The following AGBL4 variants were observed in gnomAD, a reference collection of about 807,000 sequenced individuals.
The protein encoded by AGBL4 is cytosolic carboxypeptidase 6.
Under a neutral mutation model 66.4 loss-of-function variants are expected in AGBL4, and 58 were observed. The ratio of observed to expected loss-of-function variants is 0.87; its 90% CI spans 0.71 to 1.09. The LOEUF (loss-of-function observed/expected upper bound fraction) is 1.09. Among genes scored for constraint, AGBL4 ranks in the 50% least tolerant of loss-of-function variants. The pLI, the probability that AGBL4 is intolerant of heterozygous loss-of-function variation, is 0.00. For missense variants in AGBL4, 579 were observed against 631.0 expected (o/e 0.92, Z 0.88); for synonymous variants, 234 against 222.9 (o/e 1.05, Z -0.44).
intron 1 of AGBL4, among the ~76,000 whole-genome samples, chr1:49,893,860 G>C (rs983914369): frequency 2.6e-5 from 4 of 152,178 alleles, no homozygotes; most frequent in African/African-American, 7.2e-5. Context: ...TACAGCCCTA[G>C]GGCTTTGAGT....
chr1:49,507,846 T>C (rs1648839305), intron 3 of AGBL4, among the ~76,000 whole-genome samples: 1 of 151,748 alleles, frequency 6.6e-6, no homozygotes, highest in African/African-American at 2.4e-5. Context: ...AAATATGATT[T>C]TCAGAGTGGT....
At chr1:49,395,331 T>C (rs893649238) in intron 3 of AGBL4, among the ~76,000 whole-genome samples, 7 of 152,088 alleles carry the variant, frequency 4.6e-5, no homozygotes, top group African/African-American at 7.2e-5. Flanking sequence ...AAGGGCTTTT[T>C]TTAAAAAATA....
At chr1:48,651,007 G>T (rs980723805) in intron 8 of AGBL4, among the ~76,000 whole-genome samples, 1 of 151,996 alleles carries the variant, frequency 6.6e-6, no homozygotes, top group South Asian at 2.1e-4. Flanking sequence ...CTGGCCTAGG[G>T]GACCTCTAAG....
At position 48,727,758 on chromosome 1, in the gene AGBL4, C is replaced by T. The variant is rs1435157255; in HGVS notation, c.635-64517G>A. ...GTCCACATTCAGAACAAGCCGCTGA[C>T]CCCAGAACCCGATGGATCCCTGCAC... On this transcript the variant is annotated intron_variant, in intron 6 of 13. Transcript: ENST00000371839. The T allele has an allele frequency of 6.8e-6, 6 of 878,540 alleles. No homozygotes were observed. The African/African-American group carries it at 8.5e-5, about 12-fold the overall frequency. 54.4% of individuals were successfully genotyped at this position (878,540 alleles called of 1,614,324 possible).
At chr1:49,693,659 C>T (rs1646930372) in intron 3 of AGBL4, among the ~76,000 whole-genome samples, 2 of 151,920 alleles carry the variant, frequency 1.3e-5, no homozygotes, top group South Asian at 4.1e-4. Context: ...CCCAAATTTA[C>T]TATATTGCAC....
rs57683318 is a variant in AGBL4, at chr1:48,588,656, A to AGTGTGTGTGTGTGTGTGTGT, written c.1105-1510_1105-1491dup. Among the ~76,000 whole-genome samples, 262 of 147,626 alleles carry AGTGTGTGTGTGTGTGTGTGT rather than the reference A, an allele frequency of 1.8e-3. 1 individual carries two copies. The highest frequency in any genetic ancestry group is 4.5e-3 in the African/African-American group (181 of 40,062). ...AGAAAGACTGTGAAAGAAACAGAGAAGTGTGTGTGTGTGTGTGTGTGTGTG... is the reference window on the plus strand; with the variant it reads ...AGAAAGACTGTGAAAGAAACAGAGAAGTGTGTGTGTGTGTGTGTGTGTGTGTGTGTGTGTGTGTGTGTGTG... On this transcript the variant is annotated intron_variant, in intron 10 of 13. Transcript: ENST00000371839.
At chr1:49,837,265 G>T (rs776890205) in intron 2 of AGBL4, among the ~76,000 whole-genome samples, 1 of 152,204 alleles carries the variant, frequency 6.6e-6, no homozygotes, top group Non-Finnish European at 1.5e-5. Flanking sequence ...CAGAGAGGAG[G>T]ATTCTAGAGA....
intron 1 of AGBL4, among the ~76,000 whole-genome samples, chr1:49,946,402 G>C (rs949632015): frequency 6.6e-6 from 1 of 151,864 alleles, no homozygotes; most frequent in East Asian, 1.9e-4. Context: ...AACTCCAAAA[G>C]GAACATTTAA....
rs1484167824 is a variant in AGBL4 at position 49,875,494 on chromosome 1, TTTTATGGCTGCA to T, written c.35-23988_35-23977del. On this transcript the variant is annotated intron_variant, in intron 1 of 13. Coordinates refer to ENST00000371839, the MANE Select transcript of AGBL4 (RefSeq NM_032785.4). ...CTACAAAGGACATGAACTCATCATT[TTTTATGGCTGCA>T]TAGTATTCTATGGTGTATATGTGCC... Among the ~76,000 whole-genome samples the T allele has an allele frequency of 2.5e-3, 373 of 146,608 alleles. 4 individuals are homozygous for T. The highest frequency in any genetic ancestry group is 0.022 in the Admixed American group (316 of 14,550).
At chr1:49,689,451 A>C (rs544726964) in intron 3 of AGBL4, among the ~76,000 whole-genome samples, 1 of 152,302 alleles carries the variant, frequency 6.6e-6, no homozygotes, top group Non-Finnish European at 1.5e-5. Flanking sequence ...TTATGCCAGT[A>C]CCATGCTGCT....
At position 48,612,862 on chromosome 1, in the gene AGBL4, G is replaced by A. The variant is rs371440937; in HGVS notation, c.951+21631C>T. 1.8e-3 allele frequency among the ~76,000 whole-genome samples: 275 copies of A among 152,180 alleles called. 7 individuals carry two copies. The South Asian group carries it at 0.039, about 21-fold the overall frequency. ...TAAAAACAAAATGAGGGCCAGGCAC[G>A]ATGGCTCACGCCTGTAATCCCAGCA... On this transcript the variant is annotated intron_variant, in intron 9 of 13. Transcript: ENST00000371839.
At chr1:49,194,773 G>A (rs746914283) in intron 4 of AGBL4, among the ~76,000 whole-genome samples, 4 of 151,732 alleles carry the variant, frequency 2.6e-5, no homozygotes, top group Non-Finnish European at 2.9e-5. Flanking sequence ...ACAAAGTCTT[G>A]GCAGGCTGTG....
chr1:49,436,008 T>A (rs1645895093), intron 3 of AGBL4, among the ~76,000 whole-genome samples: 1 of 152,166 alleles, frequency 6.6e-6, no homozygotes, highest in African/African-American at 2.4e-5. Context: ...ATGCTAATGA[T>A]GTTTGTGAGA....
intron 6 of AGBL4, chr1:48,742,916 C>T (rs1255451631): frequency 5.6e-6 from 4 of 709,336 alleles, no homozygotes; most frequent in African/African-American, 1.8e-5. Context: ...AACCCAGACT[C>T]GAAAATAATG....
chr1:49,008,086 T>C (rs1662019178), intron 5 of AGBL4, among the ~76,000 whole-genome samples: 1 of 152,102 alleles, frequency 6.6e-6, no homozygotes, highest in Admixed American at 6.5e-5. Context: ...ACTGGCAAAT[T>C]GGATAAAGAG....
At chr1:49,017,972 C>A (rs1662944163) in intron 5 of AGBL4, among the ~76,000 whole-genome samples, 1 of 152,124 alleles carries the variant, frequency 6.6e-6, no homozygotes, top group African/African-American at 2.4e-5. Context: ...TGTTTCATTC[C>A]CCTTCACCAT....
Position 49,908,776 on chromosome 1 carries a change from G to T in AGBL4, c.35-57258C>A, listed in dbSNP as rs568251415. On this transcript the variant is annotated intron_variant, in intron 1 of 13. Transcript: ENST00000371839. ...GACCCTGTATCAAATAAAAAAGGGG[G>T]TGGGTCTCAAACTGAGAAATAATAG... Among the ~76,000 whole-genome samples the T allele has an allele frequency of 6.6e-5, 10 of 152,124 alleles. No homozygotes were observed. The South Asian group carries it at 1.9e-3, about 28-fold the overall frequency.
chr1:49,709,481 G>A lies in AGBL4; in HGVS notation c.158-12044C>T, dbSNP rs958435040. On this transcript the variant is annotated intron_variant, in intron 2 of 13. Coordinates refer to ENST00000371839, the MANE Select transcript of AGBL4 (RefSeq NM_032785.4). ...CGAGAATTTCAAGCCAGAGAATCTAGGAAATACCATTCAGGACATAGACAT... is the reference window on the plus strand; with the variant it reads ...CGAGAATTTCAAGCCAGAGAATCTAAGAAATACCATTCAGGACATAGACAT... Among the ~76,000 whole-genome samples the A allele has an allele frequency of 1.4e-4, 21 of 152,308 alleles. No homozygotes were observed. In the East Asian group the frequency reaches 4.1e-3, roughly 29 times the overall value.
chr1:49,128,478 G>A (rs1166889426), intron 4 of AGBL4, among the ~76,000 whole-genome samples: 4 of 151,972 alleles, frequency 2.6e-5, no homozygotes, highest in Non-Finnish European at 4.4e-5. Context: ...AAATAATCAA[G>A]AATGTGCAAA....
Sources: allele counts gnomAD v4.1 joint callset (sites outside exome capture counted in the v4.1 genomes callset), GRCh38; gene constraint gnomAD v4.1.1; transcripts MANE v1.5; gene names NCBI Gene and HGNC (gene_info 2026-07-23, HGNC 2026-07-21).